TPD52: variants seen among roughly 807,000 people sequenced by gnomAD.
TPD52 encodes prostate and colon associated protein.
A neutral mutation model predicts 31.3 loss-of-function variants in TPD52; 17 were observed. That is an observed-to-expected ratio of 0.54 (90% confidence interval 0.37 to 0.82). The LOEUF (loss-of-function observed/expected upper bound fraction) is 0.82, where lower values mean the gene tolerates loss of function less well. TPD52 is among the 40% of genes least tolerant of loss of function. The pLI, the probability that TPD52 is intolerant of heterozygous loss-of-function variation, is 0.00. For missense variants in TPD52, 212 were observed against 240.1 expected, an observed-to-expected ratio of 0.88 and a Z score of 0.77; for synonymous variants, 83 against 89.6, an observed-to-expected ratio of 0.93 and a Z score of 0.42.
At chr8:80,048,780 C>T (rs952695555) in intron 5 of TPD52, among the ~76,000 whole-genome samples, 2 of 152,178 alleles carry the variant, frequency 1.3e-5, no homozygotes, top group Non-Finnish European at 2.9e-5. Flanking sequence ...AAAAGATAAT[C>T]TCATTTCTTT....
intron 1 of TPD52, among the ~76,000 whole-genome samples, chr8:80,078,044 T>C (rs1814798563): frequency 6.6e-6 from 1 of 152,218 alleles, no homozygotes. Context: ...TTCTTATATT[T>C]GTGAGGATTG....
chr8:80,047,493 T>C (rs1563567204), intron 5 of TPD52, among the ~76,000 whole-genome samples: 1 of 152,180 alleles, frequency 6.6e-6, no homozygotes, highest in Non-Finnish European at 1.5e-5. Flanking sequence ...ATTGAAGCTT[T>C]CAAATTTCAG....
At chr8:80,131,889 G>A (rs1249060823) in intron 1 of TPD52, among the ~76,000 whole-genome samples, 2 of 152,078 alleles carry the variant, frequency 1.3e-5, no homozygotes, top group Admixed American at 6.6e-5. Flanking sequence ...AGTTAAGAAC[G>A]CAGCTGTCAA....
At chr8:80,126,978 A>G (rs1179797506) in intron 1 of TPD52, among the ~76,000 whole-genome samples, 1 of 152,070 alleles carries the variant, frequency 6.6e-6, no homozygotes, top group Admixed American at 6.6e-5. Flanking sequence ...GCATGGTGGC[A>G]TACACCTGTG....
At chr8:80,130,996 A>G (rs1266992929) in intron 1 of TPD52, among the ~76,000 whole-genome samples, 1 of 152,260 alleles carries the variant, frequency 6.6e-6, no homozygotes, top group Non-Finnish European at 1.5e-5. Flanking sequence ...TCTCAAGTGC[A>G]TAGGGTAATT....
At chr8:80,131,848 G>T (rs551280088) in intron 1 of TPD52, among the ~76,000 whole-genome samples, 2 of 152,224 alleles carry the variant, frequency 1.3e-5, no homozygotes, top group South Asian at 4.1e-4. Context: ...TTTGGAGACA[G>T]ATTTTCTATG....
chr8:80,054,842 T>C (rs1811710709), intron 2 of TPD52, among the ~76,000 whole-genome samples: 1 of 152,176 alleles, frequency 6.6e-6, no homozygotes, highest in Non-Finnish European at 1.5e-5. Flanking sequence ...TCCCCTGTGC[T>C]TGTCAGAGTC....
At chr8:80,051,655 C>A (rs371719014) in intron 3 of TPD52, 27 bp from the exon 4 acceptor site, 2 of 1,536,052 alleles carry the variant, frequency 1.3e-6, no homozygotes, top group South Asian at 1.2e-5. Context: ...ACACACAGAG[C>A]AAAAGAAGGG....
chr8:80,118,736 C>T (rs1808043555), intron 1 of TPD52, among the ~76,000 whole-genome samples: 1 of 152,158 alleles, frequency 6.6e-6, no homozygotes, highest in African/African-American at 2.4e-5. Flanking sequence ...GCTTCACACC[C>T]ACTAGAATGG....
At chr8:80,095,946 C>CTACATACA (rs35841969) in intron 1 of TPD52, among the ~76,000 whole-genome samples, 13,654 of 150,410 alleles carry the variant, frequency 0.091, 1,439 homozygotes, top group African/African-American at 0.25. Context: ...GACTCCATCT[C>CTACATACA]TACATACATA....
At chr8:80,120,499 A>G (rs1808188571) in intron 1 of TPD52, among the ~76,000 whole-genome samples, 1 of 152,138 alleles carries the variant, frequency 6.6e-6, no homozygotes, top group African/African-American at 2.4e-5. Context: ...GAAAAGAAAA[A>G]AAAAGAAAAG....
At chr8:80,102,677 A>T (rs545762444) in intron 1 of TPD52, among the ~76,000 whole-genome samples, 23 of 152,324 alleles carry the variant, frequency 1.5e-4, no homozygotes, top group Middle Eastern at 3.4e-3. Flanking sequence ...TGGAATCTCC[A>T]GAGTGATCAG....
At chr8:80,039,420 CT>C (rs773222089) in intron 7 of TPD52, among the ~76,000 whole-genome samples, 24 of 147,612 alleles carry the variant, frequency 1.6e-4, no homozygotes, top group Admixed American at 2.7e-4. Context: ...TCCAATCAAT[CT>C]TTTTTTTTTT....
chr8:80,072,085 C>T (rs1221415523), intron 1 of TPD52, among the ~76,000 whole-genome samples: 2 of 152,092 alleles, frequency 1.3e-5, no homozygotes, highest in Non-Finnish European at 2.9e-5. Flanking sequence ...CCCAGGCAGG[C>T]GGATCAAGAG....
At position 80,037,655 on chromosome 8, in the gene TPD52, C is replaced by T. The variant is rs752924044; in HGVS notation, c.*461G>A. On this transcript the variant is annotated 3_prime_UTR_variant, in exon 8 of 8. Transcript: ENST00000518937. ...TCTTTCCTTGGAGGTAAAGAAAATACACCCAAACTTTTAATTACCAGGATT... is the reference window on the plus strand; with the variant it reads ...TCTTTCCTTGGAGGTAAAGAAAATATACCCAAACTTTTAATTACCAGGATT... 6.6e-6 allele frequency: 1 copy of T among 152,464 alleles called. No individual in the cohort carries two copies. Among genetic ancestry groups the T allele is most frequent in the African/African-American group, 2.4e-5 (1 of 41,424 alleles). The allele number at this position is 152,464 out of a possible 1,614,324, so 9.4% of individuals were successfully genotyped here. A position where few individuals can be genotyped will look rare whatever the true frequency, so the allele number is the denominator to read the frequency against.
rs1554582865 is a variant in TPD52 at position 80,072,317 on chromosome 8, A to ATATGTGTGCGTGTG, written c.20-7725_20-7724insCACACGCACACATA. On this transcript the variant is annotated intron_variant, in intron 1 of 7. Transcript: ENST00000518937. ...GAGAGACTCCATCTAAAAAACATAT[A>ATATGTGTGCGTGTG]TGTGTGTGTGTGTGTGTGTGTGTGT... Among the ~76,000 whole-genome samples, 435 of 121,350 alleles carry ATATGTGTGCGTGTG rather than the reference A, an allele frequency of 3.6e-3. 16 individuals are homozygous for ATATGTGTGCGTGTG. The highest frequency in any genetic ancestry group is 0.015 in the African/African-American group (416 of 27,436). 79.6% of individuals were successfully genotyped at this position (121,350 alleles called of 152,430 possible). A position where few individuals can be genotyped will look rare whatever the true frequency, so the allele number is the denominator to read the frequency against.
At chr8:80,148,878 A>T (rs1372327124) in intron 1 of TPD52, among the ~76,000 whole-genome samples, 3 of 152,254 alleles carry the variant, frequency 2.0e-5, no homozygotes, top group Non-Finnish European at 4.4e-5. Flanking sequence ...GAGAAAAATC[A>T]TTTCTTTTTT....
chr8:80,083,655 G>A (rs1349834757), intron 1 of TPD52, among the ~76,000 whole-genome samples: 1 of 152,182 alleles, frequency 6.6e-6, no homozygotes, highest in African/African-American at 2.4e-5. Context: ...CAGCCATCTA[G>A]AACTGTGAGT....
intron 1 of TPD52, among the ~76,000 whole-genome samples, chr8:80,136,523 C>CAA (rs56656428): frequency 5.2e-4 from 35 of 67,092 alleles, no homozygotes; most frequent in Middle Eastern, 0.013. Flanking sequence ...GACTCTGTCT[C>CAA]AAAAAAAAAA....
Sources: gnomAD v4.1 joint callset for allele counts (sites outside exome capture counted in the v4.1 genomes callset) on GRCh38, gnomAD v4.1.1 for gene constraint, MANE v1.5 for transcripts, NCBI Gene and HGNC (gene_info 2026-07-23, HGNC 2026-07-21) for gene names.